The following HSPA13 variants were observed in gnomAD, a reference collection of about 807,000 sequenced individuals.
The protein encoded by HSPA13 is heat shock protein family A (Hsp70) member 13.
In HSPA13, 29 loss-of-function variants were observed where a neutral mutation model predicts 38.8. That is an observed-to-expected ratio of 0.75 (90% CI 0.56 to 1.02). HSPA13 has a LOEUF of 1.02. Ranked by LOEUF, HSPA13 falls within the 50% of genes least tolerant of loss-of-function variation. HSPA13 has a pLI of 0.00. For synonymous variants in HSPA13, 192 were observed against 205.3 expected, an observed-to-expected ratio of 0.94 and a Z score of 0.56; for missense variants, 451 against 560.9, an observed-to-expected ratio of 0.80 and a Z score of 1.98.
At chr21:14,380,849 C>A (rs188253178) in intron 2 of HSPA13, among the ~76,000 whole-genome samples, 1 of 152,158 alleles carries the variant, frequency 6.6e-6, no homozygotes, top group African/African-American at 2.4e-5. Context: ...AAAAATAGCA[C>A]ACCTGGTATG....
intron 2 of HSPA13, among the ~76,000 whole-genome samples, chr21:14,380,031 ATTCATTTAGAATTTCAC>A (rs1484752052): frequency 2.4e-4 from 37 of 152,180 alleles, no homozygotes; most frequent in African/African-American, 6.3e-4. Flanking sequence ...ACAAAAACTA[ATTCATTTAGAATTTCAC>A]TTCATTTAGA....
rs1982855042 is a variant in HSPA13, at chr21:14,372,702, T to C, written c.*915A>G. The C allele has an allele frequency of 6.6e-6, 1 of 152,186 alleles. No homozygotes were observed. The highest frequency in any genetic ancestry group is 2.1e-4 in the South Asian group (1 of 4,836). 9.4% of individuals were successfully genotyped at this position (152,186 alleles called of 1,614,324 possible). On this transcript the variant is annotated 3_prime_UTR_variant, in exon 5 of 5. Transcript: ENST00000285667. ...TTTAGTAGCTCAATTCCATGCTATA[T>C]TCCCCAGGGCTTACTGAAAATATAA...
At chr21:14,376,620 T>G (rs996008928) in intron 3 of HSPA13, among the ~76,000 whole-genome samples, 2 of 152,134 alleles carry the variant, frequency 1.3e-5, no homozygotes, top group Non-Finnish European at 2.9e-5. Flanking sequence ...CTCTAAAGAA[T>G]TATTCCAGAG....
rs777706985 is a variant in HSPA13 at position 14,383,143 on chromosome 21, T to C, written c.-24A>G. 1.2e-6 allele frequency: 2 copies of C among 1,613,976 alleles called. No individual in the cohort carries two copies. The highest frequency in any genetic ancestry group is 1.7e-6 in the Non-Finnish European group (2 of 1,179,942). ...ATCACAGTCCCGCCGAACAGGCTTG[T>C]GATGACTGTACCAGACGTGAGGCAC... On this transcript the variant is annotated 5_prime_UTR_variant, in exon 1 of 5. Transcript: ENST00000285667.
chr21:14,378,112 G>C, intron 3 of HSPA13, 87 bp downstream of exon 3: 1 of 954,678 alleles, frequency 1.0e-6, no homozygotes. Context: ...TGGTTGTGTG[G>C]TTTGGGAAGT....
At position 14,373,104 on chromosome 21, in the gene HSPA13, GAAT is replaced by G. The variant is rs1195934601; in HGVS notation, c.*510_*512del. Reference sequence around the variant, plus strand: ...TTTGTTATATAATATGGCAGTTACTGAATATTACGTATGCAGCTTATGCTAATA... The same window carrying G: ...TTTGTTATATAATATGGCAGTTACTGATTACGTATGCAGCTTATGCTAATA... On this transcript the variant is annotated 3_prime_UTR_variant, in exon 5 of 5. Transcript: ENST00000285667. 1 of 152,958 alleles carries G rather than the reference GAAT, an allele frequency of 6.5e-6. No homozygotes were observed. Among genetic ancestry groups the G allele is most frequent in the East Asian group, 1.9e-4 (1 of 5,202 alleles). 9.5% of individuals were successfully genotyped at this position (152,958 alleles called of 1,614,324 possible).
intron 3 of HSPA13, 37 bp from the exon 4 acceptor site, chr21:14,375,856 G>A (rs1162192597): frequency 2.5e-6 from 4 of 1,570,078 alleles, no homozygotes; most frequent in South Asian, 2.2e-5. Context: ...ATTCATGAGA[G>A]GATGCGATCA....
In HSPA13 at chr21:14,371,437, T is replaced by G. The variant is rs996731157; in HGVS notation, c.*2180A>C. 6.6e-6 allele frequency: 1 copy of G among 152,204 alleles called. No homozygotes were observed. 9.4% of individuals were successfully genotyped at this position (152,204 alleles called of 1,614,324 possible). ...TTATGAAAAGACTTCAGATTGTTAT[T>G]CATAAATGATCCCTTTCAGGATGCA... On this transcript the variant is annotated 3_prime_UTR_variant, in exon 5 of 5. Coordinates refer to ENST00000285667, the MANE Select transcript of HSPA13 (RefSeq NM_006948.5).
chr21:14,378,374 T>C lies in HSPA13; in HGVS notation c.405A>G (p.Thr135=). ...NKNGMVEFSV[T]SNETITVSPE... ...GGGACACTGTGATGGTCTCATTACT[T>C]GTCACAGAAAACTCAACCATTCCAT... The change falls in exon 3 of 5, where the codon ACA becomes ACG. Residue 135 remains threonine, a synonymous_variant. Transcript: ENST00000285667. The C allele has an allele frequency of 6.2e-7, 1 of 1,614,076 alleles. No individual in the cohort carries two copies. The highest frequency in any genetic ancestry group is 1.1e-5 in the South Asian group (1 of 91,060).
At chr21:14,374,329 G>T (rs1568721688) in intron 4 of HSPA13, 45 bp from the exon 5 acceptor site, 3 of 1,332,348 alleles carry the variant, frequency 2.3e-6, no homozygotes, top group Non-Finnish European at 3.2e-6. Context: ...ATATATGTGT[G>T]TATGTATACA....
chr21:14,382,984 C>T, intron 1 of HSPA13, 111 bp downstream of exon 1: 1 of 1,308,300 alleles, frequency 7.6e-7, no homozygotes, highest in Non-Finnish European at 1.1e-6. Flanking sequence ...TCTGACTCCC[C>T]TTCCGCTGCT....
chr21:14,371,870 T>A lies in HSPA13; in HGVS notation c.*1747A>T, dbSNP rs1320061562. 1 of 152,520 alleles carries A rather than the reference T, an allele frequency of 6.6e-6. No individual in the cohort carries two copies. Among genetic ancestry groups the A allele is most frequent in the East Asian group, 1.9e-4 (1 of 5,202 alleles). The allele number at this position is 152,520 out of a possible 1,614,324, so 9.4% of individuals were successfully genotyped here. On this transcript the variant is annotated 3_prime_UTR_variant, in exon 5 of 5. Coordinates refer to ENST00000285667, the MANE Select transcript of HSPA13 (RefSeq NM_006948.5). ...AATTCTAAAATCTATTACAGATTTA[T>A]ATAAAGTCCAAGAGAACATGTGAAA...
chr21:14,372,368 T>C lies in HSPA13; in HGVS notation c.*1249A>G, dbSNP rs986730726. The C allele has an allele frequency of 1.3e-5, 2 of 152,094 alleles. No individual in the cohort carries two copies. Among genetic ancestry groups the C allele is most frequent in the African/African-American group, 4.8e-5 (2 of 41,462 alleles). 9.4% of individuals were successfully genotyped at this position (152,094 alleles called of 1,614,324 possible). The stretch of plus-strand genomic sequence containing the variant: ...ATGGGTATGACAGAAATCAAACTGT[T>C]ATATTTTCTTTCTTGGTCCCTGTGG... On this transcript the variant is annotated 3_prime_UTR_variant, in exon 5 of 5. Transcript: ENST00000285667.
chr21:14,379,154 A>C (rs1984107671), intron 2 of HSPA13, among the ~76,000 whole-genome samples: 1 of 151,576 alleles, frequency 6.6e-6, no homozygotes, highest in Non-Finnish European at 1.5e-5. Flanking sequence ...AACAAGAATA[A>C]TTTTAGTACA....
chr21:14,373,382 C>G lies in HSPA13; in HGVS notation c.*235G>C. The G allele has an allele frequency of 4.3e-6, 2 of 470,368 alleles. No individual in the cohort carries two copies. The highest frequency in any genetic ancestry group is 7.5e-6 in the Non-Finnish European group (2 of 265,526). The allele number at this position is 470,368 out of a possible 1,614,324, so 29.1% of individuals were successfully genotyped here. A position where few individuals can be genotyped will look rare whatever the true frequency, so the allele number is the denominator to read the frequency against. On this transcript the variant is annotated 3_prime_UTR_variant, in exon 5 of 5. Transcript: ENST00000285667. ...ATACTCTTTTAAGAGAGTTGTACCT[C>G]AATTTTATCATTTTAGAGTATTTGT...
At chr21:14,380,424 A>G (rs1984139346) in intron 2 of HSPA13, among the ~76,000 whole-genome samples, 1 of 151,386 alleles carries the variant, frequency 6.6e-6, no homozygotes, top group Non-Finnish European at 1.5e-5. Context: ...AATTCTAAAA[A>G]TTCTGATCTC....
In HSPA13 at chr21:14,373,853, G is replaced by C; in HGVS notation, c.1180C>G (p.Leu394Val). 6.2e-7 allele frequency: 1 copy of C among 1,614,138 alleles called. No homozygotes were observed. The highest frequency in any genetic ancestry group is 8.5e-7 in the Non-Finnish European group (1 of 1,180,016). Residue 394 changes from leucine (L) to valine (V), a missense_variant, in exon 5 of 5, where the codon CTG (leucine) becomes GTG (valine). Physicochemically the swap from Leu to Val is conservative, Grantham distance 32. Coordinates refer to ENST00000285667, the MANE Select transcript of HSPA13 (RefSeq NM_006948.5). ...PIQQVLKEGHLEKTEIDEVVL... is the reference protein window; with the variant it reads ...PIQQVLKEGHVEKTEIDEVVL... ...ACCTCATCAATCTCAGTCTTTTCCAGGTGGCCTTCTTTCAATACTTGCTGA... is the reference window on the plus strand; with the variant it reads ...ACCTCATCAATCTCAGTCTTTTCCACGTGGCCTTCTTTCAATACTTGCTGA...
At chr21:14,379,143 TAAC>T (rs1984107612) in intron 2 of HSPA13, among the ~76,000 whole-genome samples, 1 of 152,182 alleles carries the variant, frequency 6.6e-6, no homozygotes. Context: ...TAGTACATAT[TAAC>T]AAGAATAATT....
At chr21:14,377,229 A>C (rs1473555853) in intron 3 of HSPA13, among the ~76,000 whole-genome samples, 1 of 152,254 alleles carries the variant, frequency 6.6e-6, no homozygotes, top group Non-Finnish European at 1.5e-5. Context: ...CTGGTAGAAC[A>C]TAAGTTCCAT....
Sources: allele counts gnomAD v4.1 joint callset (sites outside exome capture counted in the v4.1 genomes callset), GRCh38; gene constraint gnomAD v4.1.1; transcripts MANE v1.5; gene names NCBI Gene and HGNC (gene_info 2026-07-23, HGNC 2026-07-21).